SRCIN1: variants seen among roughly 807,000 people sequenced by gnomAD.
The protein encoded by SRCIN1 is SRC kinase signaling inhibitor 1.
In SRCIN1, 50 loss-of-function variants were observed where a neutral mutation model predicts 116.2. The ratio of observed to expected loss-of-function variants is 0.43; its 90% CI spans 0.34 to 0.54. The LOEUF is 0.54. Ranked by LOEUF, SRCIN1 falls within the 20% of genes least tolerant of loss-of-function variation. SRCIN1 has a pLI of 0.02. For synonymous variants in SRCIN1, 736 were observed against 750.0 expected (o/e 0.98, Z 0.30); for missense variants, 1,446 against 1,672.0 (o/e 0.86, Z 2.36).
Position 38,558,545 on chromosome 17 carries a change from C to G in SRCIN1, c.2026-143G>C. ...AGCGGCTGCTTGGCTCCGCCTCAGG[C>G]AGCAGCGAAGGGGTGGGATGGCGAA... On this transcript the variant is annotated intron_variant, in intron 10 of 18. Coordinates refer to ENST00000617146, the MANE Select transcript of SRCIN1 (RefSeq NM_025248.3). This position sits in a 1 kb window ranked among gnomAD's most constrained non-coding sequence, Gnocchi z 4.6. 1 of 932,416 alleles carries G rather than the reference C, an allele frequency of 1.1e-6. No individual in the cohort carries two copies. Among genetic ancestry groups the G allele is most frequent in the East Asian group, 2.9e-5 (1 of 35,072 alleles). The allele number at this position is 932,416 out of a possible 1,614,324, so 57.8% of individuals were successfully genotyped here. A position where few individuals can be genotyped will look rare whatever the true frequency, so the allele number is the denominator to read the frequency against.
rs1239783664 is a variant in SRCIN1 at position 38,530,066 on chromosome 17, C to T, written c.*3231G>A. ...AAACAAGTTTTATTAAAGCCCCAAA[C>T]ACTTGGCTAGAAAAACTGAAAAGGA... On this transcript the variant is annotated 3_prime_UTR_variant, in exon 19 of 19. Coordinates refer to ENST00000617146, the MANE Select transcript of SRCIN1 (RefSeq NM_025248.3). 6.6e-6 allele frequency: 1 copy of T among 152,204 alleles called. No homozygotes were observed. Among genetic ancestry groups the T allele is most frequent in the Non-Finnish European group, 1.5e-5 (1 of 68,050 alleles). 9.4% of individuals were successfully genotyped at this position (152,204 alleles called of 1,614,324 possible).
At position 38,552,194 on chromosome 17, in the gene SRCIN1, G is replaced by A; in HGVS notation, c.2481-62C>T. On this transcript the variant is annotated intron_variant, in intron 13 of 18. Transcript: ENST00000617146. The surrounding 1 kb of genome is among the most constrained non-coding windows in gnomAD (Gnocchi z 5.3). Reference sequence around the variant, plus strand: ...GCAGGTGGTGACCCTTCTGCAGGAAGGCTGCTCTGAGGGAGGTGGGGTGGG... The same window carrying A: ...GCAGGTGGTGACCCTTCTGCAGGAAAGCTGCTCTGAGGGAGGTGGGGTGGG... The A allele has an allele frequency of 6.4e-7, 1 of 1,561,478 alleles. No individual in the cohort carries two copies. Among genetic ancestry groups the A allele is most frequent in the Non-Finnish European group, 8.7e-7 (1 of 1,151,426 alleles).
In SRCIN1 at chr17:38,585,846, G is replaced by A; in HGVS notation, c.23-7055C>T. On this transcript the variant is annotated intron_variant, in intron 1 of 18. Coordinates refer to ENST00000617146, the MANE Select transcript of SRCIN1 (RefSeq NM_025248.3). The surrounding 1 kb of genome is among the most constrained non-coding windows in gnomAD (Gnocchi z 4.2). ...AGATGAGGGCGTGTGATGGGGGAAGGGCGATGGGGGGAAGGAGGCAGCTGG... is the reference window on the plus strand; with the variant it reads ...AGATGAGGGCGTGTGATGGGGGAAGAGCGATGGGGGGAAGGAGGCAGCTGG... 6.6e-6 allele frequency among the ~76,000 whole-genome samples: 1 copy of A among 152,140 alleles called. No individual in the cohort carries two copies. The highest frequency in any genetic ancestry group is 1.9e-4 in the East Asian group (1 of 5,196).
chr17:38,537,164 C>T (rs1427820423), intron 18 of SRCIN1, among the ~76,000 whole-genome samples: 2 of 149,526 alleles, frequency 1.3e-5, no homozygotes, highest in South Asian at 2.1e-4. Flanking sequence ...GGTGACAGAG[C>T]GAGAGACTCT....
At chr17:38,593,404 A>C (rs55788798) in intron 1 of SRCIN1, among the ~76,000 whole-genome samples, 3,565 of 152,090 alleles carry the variant, frequency 0.023, 137 homozygotes, top group African/African-American at 0.08. Context: ...GAGAGTGAGG[A>C]AAAGGGGCAC....
chr17:38,566,412 AT>A (rs1157875934), intron 3 of SRCIN1, among the ~76,000 whole-genome samples: 1 of 152,158 alleles, frequency 6.6e-6, no homozygotes, highest in African/African-American at 2.4e-5. Flanking sequence ...GGCTGAGACA[AT>A]AGGGCAGAGG....
At position 38,549,230 on chromosome 17, in the gene SRCIN1, G is replaced by A. The variant is rs887476544; in HGVS notation, c.2963-20C>T. The A allele has an allele frequency of 2.7e-6, 4 of 1,500,508 alleles. No homozygotes were observed. The highest frequency in any genetic ancestry group is 2.8e-5 in the African/African-American group (2 of 71,134). 92.9% of individuals were successfully genotyped at this position (1,500,508 alleles called of 1,614,324 possible). A position where few individuals can be genotyped will look rare whatever the true frequency, so the allele number is the denominator to read the frequency against. ...ACTCATCTGCAGGCACCAAGGGGCT[G>A]GGGGTCAGCAGGCCTGCAACCTTGG... On this transcript the variant is annotated intron_variant, in intron 15 of 18. Transcript: ENST00000617146.
At position 38,604,380 on chromosome 17, in the gene SRCIN1, C is replaced by G. The variant is rs952537359; in HGVS notation, c.22+1304G>C. 6.2e-6 allele frequency: 2 copies of G among 320,218 alleles called. No individual in the cohort carries two copies. The highest frequency in any genetic ancestry group is 4.5e-5 in the South Asian group (2 of 44,390). 19.8% of individuals were successfully genotyped at this position (320,218 alleles called of 1,614,324 possible). On this transcript the variant is annotated intron_variant, in intron 1 of 18. Transcript: ENST00000617146. The surrounding 1 kb of genome is among the most constrained non-coding windows in gnomAD (Gnocchi z 4.3). ...CCCCCAGCTCGGGGAGCCCACTTTCCTTAAAGTTGGGGTGCTGCAGGACCT... is the reference window on the plus strand; with the variant it reads ...CCCCCAGCTCGGGGAGCCCACTTTCGTTAAAGTTGGGGTGCTGCAGGACCT...
chr17:38,540,113 G>A (rs115527387), intron 18 of SRCIN1, among the ~76,000 whole-genome samples: 1 of 152,092 alleles, frequency 6.6e-6, no homozygotes, highest in African/African-American at 2.4e-5. Flanking sequence ...AATAGAAGAG[G>A]GGGTGTCCAT....
chr17:38,535,841 C>G (rs1272148435), intron 18 of SRCIN1, among the ~76,000 whole-genome samples: 1 of 149,510 alleles, frequency 6.7e-6, no homozygotes, highest in African/African-American at 2.6e-5. Flanking sequence ...CTCACCATGT[C>G]CCCCGGCAAG....
intron 18 of SRCIN1, chr17:38,543,186 C>T (rs1904857561): frequency 6.6e-6 from 3 of 456,626 alleles, no homozygotes; most frequent in Middle Eastern, 6.5e-4. Context: ...CCCTACCCTT[C>T]CTGAGGGCCA....
intron 11 of SRCIN1, among the ~76,000 whole-genome samples, chr17:38,556,127 G>C (rs544281776): frequency 2.3e-4 from 35 of 152,342 alleles, no homozygotes; most frequent in African/African-American, 6.5e-4. Context: ...TAGTCCTGGA[G>C]GGGTCAAGAG....
intron 1 of SRCIN1, among the ~76,000 whole-genome samples, chr17:38,587,730 C>T (rs1049357547): frequency 6.6e-6 from 1 of 152,176 alleles, no homozygotes; most frequent in Non-Finnish European, 1.5e-5. Flanking sequence ...AACACCGCAG[C>T]AGCCCGGCCG....
chr17:38,563,551 C>A lies in SRCIN1; in HGVS notation c.542-30G>T, dbSNP rs868654740. ...GAAGGAGACGCCGCCCTCGCTGTCA[C>A]TGCTGCCGTCTCCACGCCGCCCTCC... On this transcript the variant is annotated intron_variant, in intron 4 of 18. Transcript: ENST00000617146. This position sits in a 1 kb window ranked among gnomAD's most constrained non-coding sequence, Gnocchi z 5.8. The A allele has an allele frequency of 1.9e-6, 3 of 1,541,802 alleles. No individual in the cohort carries two copies. The highest frequency in any genetic ancestry group is 2.6e-6 in the Non-Finnish European group (3 of 1,146,816).
At chr17:38,537,926 C>T (rs1904492363) in intron 18 of SRCIN1, among the ~76,000 whole-genome samples, 1 of 150,844 alleles carries the variant, frequency 6.6e-6, no homozygotes, top group Non-Finnish European at 1.5e-5. Context: ...ATGGTGAAAC[C>T]CCATCTTTAC....
intron 14 of SRCIN1, 93 bp downstream of exon 14, chr17:38,551,793 C>A (rs770324945): frequency 4.4e-6 from 7 of 1,597,946 alleles, no homozygotes; most frequent in Non-Finnish European, 5.1e-6. Flanking sequence ...GGAAAAAGAC[C>A]CACAGGATTG....
At chr17:38,541,006 G>A (rs1904702230) in intron 18 of SRCIN1, among the ~76,000 whole-genome samples, 1 of 152,092 alleles carries the variant, frequency 6.6e-6, no homozygotes, top group Non-Finnish European at 1.5e-5. Flanking sequence ...TTGGAAGGCT[G>A]AGGCGGGTGG....
In SRCIN1 at chr17:38,563,191, A is replaced by C; in HGVS notation, c.740+132T>G. 1 of 1,001,844 alleles carries C rather than the reference A, an allele frequency of 1.0e-6. No homozygotes were observed. The highest frequency in any genetic ancestry group is 1.5e-6 in the Non-Finnish European group (1 of 686,084). The allele number at this position is 1,001,844 out of a possible 1,614,324, so 62.1% of individuals were successfully genotyped here. ...TGGCCGAGGAAGGGGGCGGGGCGGTAGGGCTCTGGGAGGGGAGGGGAAAGG... is the reference window on the plus strand; with the variant it reads ...TGGCCGAGGAAGGGGGCGGGGCGGTCGGGCTCTGGGAGGGGAGGGGAAAGG... On this transcript the variant is annotated intron_variant, in intron 5 of 18. Coordinates refer to ENST00000617146, the MANE Select transcript of SRCIN1 (RefSeq NM_025248.3). The surrounding 1 kb of genome is among the most constrained non-coding windows in gnomAD (Gnocchi z 5.8).
At chr17:38,548,278 C>T (rs796414857) in intron 17 of SRCIN1, among the ~76,000 whole-genome samples, 3 of 152,222 alleles carry the variant, frequency 2.0e-5, no homozygotes, top group African/African-American at 7.2e-5. Context: ...TCTTCGGATA[C>T]GGGACTTTCA....
Sources: allele counts gnomAD v4.1 joint callset (sites outside exome capture counted in the v4.1 genomes callset), GRCh38; gene constraint gnomAD v4.1.1; non-coding constraint Gnocchi (gnomAD v3.1); transcripts MANE v1.5; gene names NCBI Gene and HGNC (gene_info 2026-07-23, HGNC 2026-07-21).